TMED9: variants seen among roughly 807,000 people sequenced by gnomAD.
The protein encoded by TMED9 is transmembrane emp24 domain-containing protein 9.
TMED9 carries 22 observed loss-of-function variants against 30.6 expected under a neutral mutation model. The observed-to-expected ratio is 0.72, with a 90% confidence interval of 0.51 to 1.03. TMED9 has a LOEUF of 1.03. TMED9 is among the 50% of genes least tolerant of loss of function. The pLI is 0.00. For synonymous variants in TMED9, 146 were observed against 122.8 expected (o/e 1.19, Z -1.25); for missense variants, 251 against 302.1 (o/e 0.83, Z 1.25).
At chr5:177,593,611 C>T (rs574721613) in intron 2 of TMED9, 39 bp from the exon 3 acceptor site, 1 of 1,612,770 alleles carries the variant, frequency 6.2e-7, no homozygotes, top group South Asian at 1.1e-5. Context: ...ATTCCCATCC[C>T]TACCATAATA....
chr5:177,593,187 G>GT (rs1161818630), intron 2 of TMED9: 1 of 159,438 alleles, frequency 6.3e-6, no homozygotes, highest in Non-Finnish European at 1.4e-5. Context: ...TGAGCCGGGT[G>GT]TGGTGGCGCA....
chr5:177,595,642 A>C lies in TMED9; in HGVS notation c.*226A>C. On this transcript the variant is annotated 3_prime_UTR_variant, in exon 5 of 5. Transcript: ENST00000332598. ...TCTGGCCTCTGGGCCGTTTGGTAGT[A>C]ATCACCCAAGGGCTGGTAAAGCCCC... The C allele has an allele frequency of 3.2e-6, 1 of 317,236 alleles. No homozygotes were observed. Among genetic ancestry groups the C allele is most frequent in the East Asian group, 5.8e-5 (1 of 17,098 alleles). 19.7% of individuals were successfully genotyped at this position (317,236 alleles called of 1,614,324 possible). A position where few individuals can be genotyped will look rare whatever the true frequency, so the allele number is the denominator to read the frequency against.
At chr5:177,595,086 C>T (rs760580994) in intron 4 of TMED9, among the ~76,000 whole-genome samples, 181 bp from the exon 5 acceptor site, 12 of 152,222 alleles carry the variant, frequency 7.9e-5, no homozygotes, top group Non-Finnish European at 1.5e-4. Flanking sequence ...GATGAAGAAA[C>T]AGACTTGGGA....
chr5:177,593,201 C>G (rs933408002), intron 2 of TMED9: 1 of 166,516 alleles, frequency 6.0e-6, no homozygotes, highest in Non-Finnish European at 1.3e-5. Flanking sequence ...TGGCGCACAC[C>G]TCTAATACCA....
At position 177,592,283 on chromosome 5, in the gene TMED9, G is replaced by A. The variant is rs774941973; in HGVS notation, c.69G>A (p.Arg23=). The change falls in exon 1 of 5, where the codon CGG becomes CGA. Residue 23 remains arginine, a synonymous_variant. Coordinates refer to ENST00000332598, the MANE Select transcript of TMED9 (RefSeq NM_017510.6). The part of the protein sequence containing the change: ...RPGTGLGRVM[R]TLLLVLWLAT... ...GAACCGGGCTGGGTAGAGTGATGCGGACCCTCCTGCTGGTGCTGTGGCTGG... is the reference window on the plus strand; with the variant it reads ...GAACCGGGCTGGGTAGAGTGATGCGAACCCTCCTGCTGGTGCTGTGGCTGG... 5.0e-6 allele frequency: 8 copies of A among 1,611,738 alleles called. No individual in the cohort carries two copies. The highest frequency in any genetic ancestry group is 4.0e-5 in the African/African-American group (3 of 74,910).
intron 2 of TMED9, 72 bp from the exon 3 acceptor site, chr5:177,593,578 A>G (rs1008423094): frequency 6.3e-7 from 1 of 1,581,924 alleles, no homozygotes; most frequent in Non-Finnish European, 8.7e-7. Flanking sequence ...CAGTACTTAG[A>G]GCCTTAAGCA....
At chr5:177,594,377 C>T in intron 4 of TMED9, 92 bp downstream of exon 4, 1 of 1,487,140 alleles carries the variant, frequency 6.7e-7, no homozygotes, top group South Asian at 1.3e-5. Flanking sequence ...TCTGAGACCC[C>T]CAAGGGACTT....
At position 177,595,323 on chromosome 5, in the gene TMED9, G is replaced by T. The variant is rs750805126; in HGVS notation, c.615G>T (p.Trp205Cys). ...AGAGCACCAACCAGCGGGTGCTGTGGTGGTCCATTCTGCAGACCCTCATCC... is the reference window on the plus strand; with the variant it reads ...AGAGCACCAACCAGCGGGTGCTGTGTTGGTCCATTCTGCAGACCCTCATCC... Reference protein sequence around the residue: ...TSESTNQRVLWWSILQTLILV... With the variant: ...TSESTNQRVLCWSILQTLILV... The change falls in exon 5 of 5, where the codon TGG becomes TGT. Residue 205 changes from tryptophan to cysteine, a missense_variant. Physicochemically the swap from Trp to Cys is radical, Grantham distance 215. Transcript: ENST00000332598. 1 of 1,612,442 alleles carries T rather than the reference G, an allele frequency of 6.2e-7. No homozygotes were observed.
intron 3 of TMED9, 180 bp from the exon 4 acceptor site, chr5:177,593,959 C>T: frequency 1.7e-6 from 2 of 1,180,612 alleles, no homozygotes; most frequent in African/African-American, 1.5e-5. Context: ...ACTCAGAGCA[C>T]CAGCCCAGGC....
At position 177,596,988 on chromosome 5, in the gene TMED9, G is replaced by T. The variant is rs746245198; in HGVS notation, c.*1572G>T. On this transcript the variant is annotated 3_prime_UTR_variant, in exon 5 of 5. Transcript: ENST00000332598. ...AGTTTTGAGAAGAACCTTCTAATAA[G>T]AAATGTGAGGGAGGTTACAGCAGTG... Among the ~76,000 whole-genome samples the T allele has an allele frequency of 1.3e-5, 2 of 152,178 alleles. No individual in the cohort carries two copies. The highest frequency in any genetic ancestry group is 2.9e-5 in the Non-Finnish European group (2 of 68,040).
At chr5:177,593,911 G>A in intron 3 of TMED9, 136 bp downstream of exon 3, 1 of 1,334,922 alleles carries the variant, frequency 7.5e-7, no homozygotes, top group Non-Finnish European at 1.0e-6. Flanking sequence ...TCCACTGGAT[G>A]TCCAGGACAC....
chr5:177,595,114 G>A (rs974358103), intron 4 of TMED9, among the ~76,000 whole-genome samples, 153 bp from the exon 5 acceptor site: 2 of 152,224 alleles, frequency 1.3e-5, no homozygotes, highest in Non-Finnish European at 2.9e-5. Context: ...TAGGTTGCCT[G>A]AGGGTAAAGA....
chr5:177,593,979 G>C (rs548345747), intron 3 of TMED9, 160 bp from the exon 4 acceptor site: 2 of 1,196,976 alleles, frequency 1.7e-6, no homozygotes, highest in East Asian at 2.4e-5. Flanking sequence ...CTTAATACTT[G>C]CTTGTGTGCC....
Position 177,595,250 on chromosome 5 carries a change from C to G in TMED9, c.559-17C>G, listed in dbSNP as rs758957758. 2.6e-6 allele frequency: 4 copies of G among 1,549,592 alleles called. No homozygotes were observed. Among genetic ancestry groups the G allele is most frequent in the Non-Finnish European group, 3.5e-6 (4 of 1,138,970 alleles). ...GCAGCCCCAGCCAACTCAGGCTCAC[C>G]TTATATTCCCCTGCAGTGGCGAGAG... is the stretch of plus-strand genomic sequence containing the variant. On this transcript the variant is annotated splice_polypyrimidine_tract_variant and intron_variant, in intron 4 of 4. Coordinates refer to ENST00000332598, the MANE Select transcript of TMED9 (RefSeq NM_017510.6).
Position 177,595,521 on chromosome 5 carries a change from G to A in TMED9, c.*105G>A. 1 of 1,421,366 alleles carries A rather than the reference G, an allele frequency of 7.0e-7. No homozygotes were observed. The highest frequency in any genetic ancestry group is 2.4e-5 in the East Asian group (1 of 41,530). 88.0% of individuals were successfully genotyped at this position (1,421,366 alleles called of 1,614,324 possible). A position where few individuals can be genotyped will look rare whatever the true frequency, so the allele number is the denominator to read the frequency against. On this transcript the variant is annotated 3_prime_UTR_variant, in exon 5 of 5. Transcript: ENST00000332598. ...CTGGTTTCCAGCCATACCTGTTCTGGAAGGGAGAGGGGCTGGAGGCACCCA... is the reference window on the plus strand; with the variant it reads ...CTGGTTTCCAGCCATACCTGTTCTGAAAGGGAGAGGGGCTGGAGGCACCCA...
chr5:177,594,064 G>A (rs1184905301), intron 3 of TMED9, 75 bp from the exon 4 acceptor site: 1 of 1,581,132 alleles, frequency 6.3e-7, no homozygotes, highest in Admixed American at 1.7e-5. Flanking sequence ...GAAAGTCGGG[G>A]ATGAGCTGTC....
rs1216463587 is a variant in TMED9 at position 177,592,592 on chromosome 5, C to G, written c.202C>G (p.Leu68Val). The change falls in exon 2 of 5, where the codon CTG (leucine) becomes GTG (valine). Residue 68 changes from leucine (L) to valine (V), a missense_variant. Leu to Val is a conservative substitution (Grantham distance 32, BLOSUM62 1). Coordinates refer to ENST00000332598, the MANE Select transcript of TMED9 (RefSeq NM_017510.6). The part of the protein sequence containing the change: ...TMVIGNYRTQ[L>V]YDKQREEYQP... ...CCCTCAAGGAAACTACCGGACGCAG[C>G]TGTATGACAAGCAGCGGGAGGAGTA... 1 of 1,613,458 alleles carries G rather than the reference C, an allele frequency of 6.2e-7. No individual in the cohort carries two copies. The highest frequency in any genetic ancestry group is 2.2e-5 in the East Asian group (1 of 44,854).
Position 177,595,596 on chromosome 5 carries a change from G to A in TMED9, c.*180G>A. The A allele has an allele frequency of 1.6e-6, 1 of 627,322 alleles. No individual in the cohort carries two copies. The highest frequency in any genetic ancestry group is 2.6e-6 in the Non-Finnish European group (1 of 391,082). 38.9% of individuals were successfully genotyped at this position (627,322 alleles called of 1,614,324 possible). A position where few individuals can be genotyped will look rare whatever the true frequency, so the allele number is the denominator to read the frequency against. ...TTGGCTAATACTGAGCAGGTAGTGGGGCAAATTCCTGCCCTCTCTCTCTGG... is the reference window on the plus strand; with the variant it reads ...TTGGCTAATACTGAGCAGGTAGTGGAGCAAATTCCTGCCCTCTCTCTCTGG... On this transcript the variant is annotated 3_prime_UTR_variant, in exon 5 of 5. Coordinates refer to ENST00000332598, the MANE Select transcript of TMED9 (RefSeq NM_017510.6).
Position 177,594,187 on chromosome 5 carries a change from G to C in TMED9, c.460G>C (p.Glu154Gln). ...AGGTGAACATGCCAATGACTATGCAGAAATTGCTGCTAAAGACAAGTTGAG... is the reference window on the plus strand; with the variant it reads ...AGGTGAACATGCCAATGACTATGCACAAATTGCTGCTAAAGACAAGTTGAG... ...QVGEHANDYA[E>Q]IAAKDKLSEL... is the part of the protein sequence containing the mutation. The change falls in exon 4 of 5, where the codon GAA (glutamate) becomes CAA (glutamine). Residue 154 changes from glutamate (E) to glutamine (Q), a missense_variant. By Grantham distance (29) the Glu-to-Gln change is conservative. Around this residue, in one of 2 missense-constraint regions of TMED9, gnomAD observed 153 missense variants for 239.6 expected, o/e 0.64. Transcript: ENST00000332598. The C allele has an allele frequency of 1.2e-6, 2 of 1,614,242 alleles. No homozygotes were observed. Among genetic ancestry groups the C allele is most frequent in the Non-Finnish European group, 1.7e-6 (2 of 1,180,048 alleles).
Sources: gnomAD v4.1 joint callset for allele counts (sites outside exome capture counted in the v4.1 genomes callset) on GRCh38, gnomAD v4.1.1 for gene constraint, gnomAD v4.1.1 regional missense constraint, MANE v1.5 for transcripts, NCBI Gene and HGNC (gene_info 2026-07-23, HGNC 2026-07-21) for gene names.